RANBP2: variants seen among roughly 807,000 people sequenced by gnomAD.
RANBP2 encodes RAN binding protein 2.
RANBP2 carries 57 observed loss-of-function variants against 303.6 expected under a neutral mutation model. That is an observed-to-expected ratio of 0.19 (90% confidence interval 0.15 to 0.23). The LOEUF (loss-of-function observed/expected upper bound fraction) is 0.23. RANBP2 is among the 10% of genes least tolerant of loss of function. RANBP2 has a pLI of 1.00. For missense variants in RANBP2, 3,138 were observed against 3,780.8 expected, an observed-to-expected ratio of 0.83 and a Z score of 4.46; for synonymous variants, 1,167 against 1,301.5, an observed-to-expected ratio of 0.90 and a Z score of 2.23.
the RANBP2 span, among the ~76,000 whole-genome samples, chr2:109,431,673 A>G: frequency 1.4e-4 from 22 of 152,268 alleles, no homozygotes; most frequent in South Asian, 4.4e-3. Context: ...GGAGCTCAAG[A>G]CCAGTCTGGG....
chr2:109,269,010 G>A, the RANBP2 span, among the ~76,000 whole-genome samples: 2 of 152,328 alleles, frequency 1.3e-5, no homozygotes, highest in South Asian at 4.1e-4. Context: ...GACATGCCCA[G>A]GTGATGAGGC....
chr2:108,796,352 C>T, the RANBP2 span, among the ~76,000 whole-genome samples: 1 of 152,146 alleles, frequency 6.6e-6, no homozygotes, highest in African/African-American at 2.4e-5. Flanking sequence ...CCGCGCCTGG[C>T]CAAATCAGTC....
chr2:109,293,326 A>G, the RANBP2 span, among the ~76,000 whole-genome samples: 2 of 152,246 alleles, frequency 1.3e-5, no homozygotes, highest in African/African-American at 4.8e-5. Context: ...CTTGTAGGAC[A>G]CAGAAGTGTC....
chr2:109,409,416 G>A, the RANBP2 span, among the ~76,000 whole-genome samples: 3 of 152,324 alleles, frequency 2.0e-5, no homozygotes, highest in Admixed American at 2.0e-4. Flanking sequence ...TGGATGGTGG[G>A]CATGGCTGGC....
At chr2:109,690,867 A>G in the RANBP2 span, among the ~76,000 whole-genome samples, 1 of 151,932 alleles carries the variant, frequency 6.6e-6, no homozygotes, top group Non-Finnish European at 1.5e-5. Flanking sequence ...CTTCATGTAC[A>G]CTCAGTAACT....
the RANBP2 span, chr2:109,565,714 G>C: frequency 7.6e-4 from 1,107 of 1,456,094 alleles, 10 homozygotes; most frequent in Non-Finnish European, 7.0e-5. Flanking sequence ...AGGTAGCTTT[G>C]AGATTACTAG....
intron 4 of RANBP2, among the ~76,000 whole-genome samples, chr2:108,732,855 G>A (rs375357218): frequency 4.6e-5 from 7 of 152,094 alleles, no homozygotes; most frequent in South Asian, 4.2e-4. Context: ...ACGGAGTCTC[G>A]CTCTATTGCC....
chr2:109,199,589 G>GTAACCCT, the RANBP2 span, among the ~76,000 whole-genome samples: 5 of 474 alleles, frequency 0.011, no homozygotes, highest in African/African-American at 0.018. Flanking sequence ...GAATGGAATG[G>GTAACCCT]AATGGAATGG....
chr2:109,282,998 G>T, the RANBP2 span, among the ~76,000 whole-genome samples: 1 of 152,214 alleles, frequency 6.6e-6, no homozygotes, highest in Non-Finnish European at 1.5e-5. Context: ...GGAGGAAGGG[G>T]TGACTGCTTG....
At chr2:108,720,453 C>T (rs540642850) in intron 1 of RANBP2, among the ~76,000 whole-genome samples, 1 of 152,142 alleles carries the variant, frequency 6.6e-6, no homozygotes, top group Admixed American at 6.5e-5. Context: ...TTCCTCTTTA[C>T]ATGTAAATAA....
chr2:108,972,787 CG>C, the RANBP2 span, among the ~76,000 whole-genome samples: 1 of 152,148 alleles, frequency 6.6e-6, no homozygotes, highest in Non-Finnish European at 1.5e-5. Context: ...GGGTGAGGAC[CG>C]GGGGGCCTCC....
the RANBP2 span, among the ~76,000 whole-genome samples, chr2:109,271,095 C>T: frequency 1.3e-5 from 2 of 152,166 alleles, no homozygotes; most frequent in East Asian, 1.9e-4. Flanking sequence ...CACCCCAGCT[C>T]AAGCACCCAG....
the RANBP2 span, among the ~76,000 whole-genome samples, chr2:109,727,158 C>T: frequency 6.6e-6 from 1 of 152,212 alleles, no homozygotes; most frequent in African/African-American, 2.4e-5. Flanking sequence ...AATCAACTCA[C>T]ATCTTTCACT....
the RANBP2 span, among the ~76,000 whole-genome samples, chr2:108,900,469 A>ACTT: frequency 6.6e-6 from 1 of 151,442 alleles, no homozygotes; most frequent in African/African-American, 2.4e-5. Context: ...CAGGAGAACC[A>ACTT]CTTGAACCTG....
the RANBP2 span, among the ~76,000 whole-genome samples, chr2:109,351,383 A>C: frequency 6.6e-6 from 1 of 152,246 alleles, no homozygotes; most frequent in African/African-American, 2.4e-5. Context: ...TGGTGTGCTG[A>C]GAACCACATG....
chr2:109,257,123 A>T, the RANBP2 span, among the ~76,000 whole-genome samples: 31 of 152,160 alleles, frequency 2.0e-4, no homozygotes, highest in Non-Finnish European at 3.7e-4. Flanking sequence ...TGAATCCCTC[A>T]TGTCCACTCT....
chr2:109,662,867 A>G, the RANBP2 span, among the ~76,000 whole-genome samples: 1 of 152,166 alleles, frequency 6.6e-6, no homozygotes, highest in Non-Finnish European at 1.5e-5. Context: ...TGCGATTGCC[A>G]TGGCTTCCTA....
At chr2:109,261,207 T>G in the RANBP2 span, among the ~76,000 whole-genome samples, 1 of 152,046 alleles carries the variant, frequency 6.6e-6, no homozygotes. Context: ...CCTTTGTAGT[T>G]GCATAGGTGT....
At chr2:109,159,057 C>T in the RANBP2 span, among the ~76,000 whole-genome samples, 1 of 152,204 alleles carries the variant, frequency 6.6e-6, no homozygotes, top group Non-Finnish European at 1.5e-5. Context: ...GCAGAGGGTG[C>T]AGTGAACCCA....
Sources: allele counts gnomAD v4.1 joint callset (sites outside exome capture counted in the v4.1 genomes callset), GRCh38; gene constraint gnomAD v4.1.1; transcripts MANE v1.5; gene names NCBI Gene and HGNC (gene_info 2026-07-23, HGNC 2026-07-21).